Variants in ATG7 observed in about 807,000 individuals in gnomAD.
ATG7 encodes the protein ubiquitin-like modifier-activating enzyme ATG7.
ATG7 carries 70 observed loss-of-function variants against 82.4 expected under a neutral mutation model. The observed-to-expected ratio is 0.85, with a 90% CI of 0.70 to 1.04. ATG7 has a LOEUF of 1.04. Among genes scored for constraint, ATG7 ranks in the 50% least tolerant of loss-of-function variants. The pLI, the probability that ATG7 is intolerant of heterozygous loss-of-function variation, is 0.00. For synonymous variants in ATG7, 287 were observed against 313.0 expected (o/e 0.92, Z 0.88); for missense variants, 792 against 864.3 (o/e 0.92, Z 1.05).
intron 19 of ATG7, among the ~76,000 whole-genome samples, chr3:11,424,486 CA>C (rs913802790): frequency 4.0e-5 from 6 of 150,682 alleles, no homozygotes; most frequent in African/African-American, 7.3e-5. Flanking sequence ...CCAACAACAA[CA>C]AAAAAAACAC....
chr3:11,308,547 T>C (rs1211678592), intron 6 of ATG7: 1 of 160,448 alleles, frequency 6.2e-6, no homozygotes, highest in Non-Finnish European at 1.4e-5. Flanking sequence ...TGACAGCAAA[T>C]CCTACATGGT....
chr3:11,318,500 T>C (rs1251346324), intron 9 of ATG7, among the ~76,000 whole-genome samples: 3 of 152,348 alleles, frequency 2.0e-5, no homozygotes, highest in South Asian at 4.1e-4. Flanking sequence ...CATAGGAGTT[T>C]TATAGCCTTC....
intron 10 of ATG7, among the ~76,000 whole-genome samples, chr3:11,332,182 T>G (rs150662518): frequency 7.5e-3 from 66 of 8,842 alleles, no homozygotes; most frequent in African/African-American, 0.03. Flanking sequence ...TCCCTTATGA[T>G]GAAATGTCAT....
At chr3:11,417,704 A>C (rs2081486830) in intron 19 of ATG7, among the ~76,000 whole-genome samples, 1 of 148,976 alleles carries the variant, frequency 6.7e-6, no homozygotes, top group South Asian at 2.1e-4. Flanking sequence ...ACTATTTTCC[A>C]TTTGTCACCT....
intron 20 of ATG7, among the ~76,000 whole-genome samples, chr3:11,448,401 C>A (rs2084781721): frequency 2.0e-5 from 3 of 152,170 alleles, no homozygotes; most frequent in Admixed American, 1.3e-4. Flanking sequence ...GGAGCTGGAG[C>A]CCCTGAGGTC....
intron 19 of ATG7, among the ~76,000 whole-genome samples, chr3:11,408,200 G>A (rs933059385): frequency 6.6e-6 from 1 of 152,170 alleles, no homozygotes; most frequent in Non-Finnish European, 1.5e-5. Context: ...CAAATCTCTA[G>A]GGCAGGACAA....
chr3:11,527,069 GTGTATATA>G (rs372786063), intron 20 of ATG7, among the ~76,000 whole-genome samples: 1,814 of 118,154 alleles, frequency 0.015, 15 homozygotes, highest in East Asian at 0.03. Context: ...GTGTGTGTGT[GTGTATATA>G]TATATATATA....
At chr3:11,338,541 A>G (rs1330370516) in intron 11 of ATG7, among the ~76,000 whole-genome samples, 1 of 152,162 alleles carries the variant, frequency 6.6e-6, no homozygotes, top group Non-Finnish European at 1.5e-5. Flanking sequence ...CTGACTGGGT[A>G]TGGTGGCTCA....
At chr3:11,276,481 A>G (rs966106378) in intron 1 of ATG7, among the ~76,000 whole-genome samples, 1 of 152,176 alleles carries the variant, frequency 6.6e-6, no homozygotes, top group African/African-American at 2.4e-5. Flanking sequence ...GCACCCTGTC[A>G]CACCTCTTTT....
At chr3:11,459,997 A>G (rs1420509534) in intron 20 of ATG7, among the ~76,000 whole-genome samples, 1 of 152,164 alleles carries the variant, frequency 6.6e-6, no homozygotes, top group Non-Finnish European at 1.5e-5. Flanking sequence ...CATGTCTCAA[A>G]TCGTACAGAG....
chr3:11,373,034 G>A (rs542039321), intron 18 of ATG7, among the ~76,000 whole-genome samples: 7 of 151,306 alleles, frequency 4.6e-5, no homozygotes, highest in African/African-American at 1.7e-4. Context: ...TTTGTCATGT[G>A]TTTATCGTTT....
intron 18 of ATG7, among the ~76,000 whole-genome samples, chr3:11,372,807 TGTGTGTGTGCGCGC>T (rs892189939): frequency 2.1e-5 from 3 of 140,386 alleles, no homozygotes; most frequent in East Asian, 2.1e-4. Context: ...GCTGGGTGTG[TGTGTGTGTGCGCGC>T]GTGTGCGTGT....
chr3:11,295,689 T>C (rs1395782638), intron 3 of ATG7, among the ~76,000 whole-genome samples: 1 of 152,252 alleles, frequency 6.6e-6, no homozygotes, highest in African/African-American at 2.4e-5. Flanking sequence ...GTTTTTTTAC[T>C]GCTTAGAGTT....
intron 20 of ATG7, among the ~76,000 whole-genome samples, chr3:11,436,279 T>C (rs1417219410): frequency 1.3e-5 from 2 of 152,198 alleles, no homozygotes; most frequent in African/African-American, 2.4e-5. Flanking sequence ...TGAGATGGCA[T>C]TCATACCCAG....
downstream of ATG7, among the ~76,000 whole-genome samples, chr3:11,561,611 T>A (rs1426991096): frequency 1.3e-5 from 2 of 152,138 alleles, no homozygotes; most frequent in Non-Finnish European, 2.9e-5. Context: ...CTCGTCCACC[T>A]AGAACGGGCC....
At chr3:11,356,191 G>A (rs981067934) in intron 14 of ATG7, among the ~76,000 whole-genome samples, 9 of 152,166 alleles carry the variant, frequency 5.9e-5, no homozygotes, top group African/African-American at 9.7e-5. Context: ...ATGTTCTGGC[G>A]TCATGAAAAT....
At chr3:11,294,521 C>G (rs142670044) in intron 3 of ATG7, among the ~76,000 whole-genome samples, 211 of 152,190 alleles carry the variant, frequency 1.4e-3, no homozygotes, top group African/African-American at 4.8e-3. Context: ...CTGAGCCTGG[C>G]CAAATCACCT....
At chr3:11,302,463 A>G (rs1946935905) in intron 5 of ATG7, among the ~76,000 whole-genome samples, 1 of 152,106 alleles carries the variant, frequency 6.6e-6, no homozygotes, top group Non-Finnish European at 1.5e-5. Flanking sequence ...AGTCTTTATG[A>G]ATTTATTTAT....
chr3:11,344,688 G>A lies in ATG7; in HGVS notation c.1125+2409G>A, dbSNP rs532797484. Among the ~76,000 whole-genome samples, 21 of 152,072 alleles carry A rather than the reference G, an allele frequency of 1.4e-4. 1 individual carries two copies. Among genetic ancestry groups the A allele is most frequent in the African/African-American group, 4.3e-4 (18 of 41,498 alleles). On this transcript the variant is annotated intron_variant, in intron 13 of 20. Transcript: ENST00000693202. Reference sequence around the variant, plus strand: ...TCGAGACCAGCCTGCACAACGTGGCGAAACTCCATCTCTACAAAAAAAATA... The same window carrying A: ...TCGAGACCAGCCTGCACAACGTGGCAAAACTCCATCTCTACAAAAAAAATA...
Sources: allele counts gnomAD v4.1 joint callset (sites outside exome capture counted in the v4.1 genomes callset), GRCh38; gene constraint gnomAD v4.1.1; transcripts MANE v1.5; gene names NCBI Gene and HGNC (gene_info 2026-07-23, HGNC 2026-07-21).